Variants in RIMBP2 observed in about 807,000 individuals in gnomAD.
RIMBP2 encodes the protein RIMS-binding protein 2.
In RIMBP2, 48 loss-of-function variants were observed where a neutral mutation model predicts 118.6. The observed-to-expected ratio is 0.40, with a 90% CI of 0.32 to 0.51. RIMBP2 has a LOEUF of 0.51. Ranked by LOEUF, RIMBP2 falls within the 20% of genes least tolerant of loss-of-function variation. RIMBP2 has a pLI of 0.41. For missense variants in RIMBP2, 1,551 were observed against 1,768.3 expected, an observed-to-expected ratio of 0.88 and a Z score of 2.20; for synonymous variants, 762 against 742.9, an observed-to-expected ratio of 1.03 and a Z score of -0.42.
chr12:130,630,225 G>A (rs1270652921), intron 1 of RIMBP2, among the ~76,000 whole-genome samples: 1 of 151,780 alleles, frequency 6.6e-6, no homozygotes, highest in Non-Finnish European at 1.5e-5. Context: ...AAGGTTTCTA[G>A]AAAGAGAAAA....
chr12:130,414,324 T>C lies in RIMBP2; in HGVS notation c.3239-18A>G. 1 of 1,564,924 alleles carries C rather than the reference T, an allele frequency of 6.4e-7. No individual in the cohort carries two copies. The highest frequency in any genetic ancestry group is 8.7e-7 in the Non-Finnish European group (1 of 1,154,038). Reference sequence around the variant, plus strand: ...GTAATCGTCTGCGAGCAAGTGGGGGTGAAGAACAGAGCGGCAGTGAGCCTA... The same window carrying C: ...GTAATCGTCTGCGAGCAAGTGGGGGCGAAGAACAGAGCGGCAGTGAGCCTA... On this transcript the variant is annotated intron_variant, in intron 17 of 22. Coordinates refer to ENST00000690449, the MANE Select transcript of RIMBP2 (RefSeq NM_001393629.1).
intron 21 of RIMBP2, among the ~76,000 whole-genome samples, chr12:130,405,948 A>G (rs1213685016): frequency 6.6e-6 from 1 of 152,240 alleles, no homozygotes; most frequent in Non-Finnish European, 1.5e-5. Context: ...CATTGAAAAC[A>G]CTAGTATTAG....
intron 2 of RIMBP2, among the ~76,000 whole-genome samples, chr12:130,522,293 C>T (rs1433545725): frequency 3.3e-5 from 5 of 152,230 alleles, no homozygotes; most frequent in Admixed American, 1.3e-4. Context: ...GCCTTTCAAA[C>T]GCCACTGCCC....
At position 130,437,222 on chromosome 12, in the gene RIMBP2, C is replaced by A; in HGVS notation, c.1726G>T (p.Ala576Ser). The A allele has an allele frequency of 3.2e-6, 5 of 1,584,490 alleles. No homozygotes were observed. The highest frequency in any genetic ancestry group is 4.3e-6 in the Non-Finnish European group (5 of 1,170,304). Residue 576 changes from alanine to serine, a missense_variant, in exon 13 of 23, where the codon GCC (alanine) becomes TCC (serine). Ala to Ser is a moderately conservative substitution (Grantham distance 99). This residue lies in a region of RIMBP2 where 1,038 missense variants were observed against 1,125.1 expected (regional missense o/e 0.92). Coordinates refer to ENST00000690449, the MANE Select transcript of RIMBP2 (RefSeq NM_001393629.1). ...AGGGTCCGCACGGTCACGCCCTTGG[C>A]CTCCAGGCTCCGCAGCCGCACAAGC... ...VELVRLRSLE[A>S]KGVTVRTLSA...
chr12:130,609,246 C>T (rs983171830), intron 2 of RIMBP2, among the ~76,000 whole-genome samples: 2 of 152,138 alleles, frequency 1.3e-5, no homozygotes, highest in African/African-American at 4.8e-5. Flanking sequence ...GTCTGCCCCC[C>T]CACGTTTATA....
rs572339336 is a variant in RIMBP2 at position 130,441,447 on chromosome 12, A to AATAATTATT, written c.1504+400_1504+401insAATAATTAT. 9.8e-4 allele frequency among the ~76,000 whole-genome samples: 138 copies of AATAATTATT among 141,054 alleles called. 1 individual carries two copies. Among genetic ancestry groups the AATAATTATT allele is most frequent in the African/African-American group, 3.6e-3 (138 of 38,384 alleles). 92.5% of individuals were successfully genotyped at this position (141,054 alleles called of 152,430 possible). On this transcript the variant is annotated intron_variant, in intron 11 of 22. Coordinates refer to ENST00000690449, the MANE Select transcript of RIMBP2 (RefSeq NM_001393629.1). ...TAATAATAATAATAATAATAATAAT[A>AATAATTATT]ATTTACAAGGACGAGAAAGAAGGAA...
At chr12:130,445,083 T>C (rs2078417071) in intron 10 of RIMBP2, 77 bp downstream of exon 10, 5 of 918,954 alleles carry the variant, frequency 5.4e-6, no homozygotes, top group East Asian at 5.2e-5. Context: ...TGCCTATCTA[T>C]CAGGCCCCTG....
chr12:130,434,634 A>C lies in RIMBP2; in HGVS notation c.2253+100T>G. 1.5e-6 allele frequency: 2 copies of C among 1,325,562 alleles called. No individual in the cohort carries two copies. Among genetic ancestry groups the C allele is most frequent in the Non-Finnish European group, 2.0e-6 (2 of 986,460 alleles). The allele number at this position is 1,325,562 out of a possible 1,614,324, so 82.1% of individuals were successfully genotyped here. On this transcript the variant is annotated intron_variant, in intron 14 of 22. Coordinates refer to ENST00000690449, the MANE Select transcript of RIMBP2 (RefSeq NM_001393629.1). The surrounding 1 kb of genome is among the most constrained non-coding windows in gnomAD (Gnocchi z 5.7). ...GCGTCTCCATCTCTCTCAGGGACCC[A>C]AGGGTAGCGGGGAAAGTGCCCATGT...
chr12:130,598,919 G>A (rs114641572), intron 2 of RIMBP2, among the ~76,000 whole-genome samples: 1 of 152,104 alleles, frequency 6.6e-6, no homozygotes, highest in African/African-American at 2.4e-5. Context: ...GTCACTCAGC[G>A]TGGCCTCAAA....
chr12:130,546,462 A>G (rs61934601), intron 2 of RIMBP2, among the ~76,000 whole-genome samples: 15,530 of 151,806 alleles, frequency 0.1, 873 homozygotes, highest in South Asian at 0.17. Flanking sequence ...CATCCACCCA[A>G]TTTTTGTATT....
rs150955132 is a variant in RIMBP2 at position 130,436,962 on chromosome 12, G to A, written c.1986C>T (p.Pro662=). ...HGHMLEPPVG[P]GRRSPSPSRI... is the part of the protein sequence containing the mutation. ...GGCTGGGTGAGGGCGACCGCCTTCC[G>A]GGGCCCACGGGCGGCTCCAGCATGT... Residue 662 remains proline, a synonymous_variant, in exon 13 of 23, where the codon CCC becomes CCT. Transcript: ENST00000690449. 8.0e-5 allele frequency: 129 copies of A among 1,606,436 alleles called. No homozygotes were observed. In the African/African-American group the frequency reaches 1.2e-3, roughly 15 times the overall value.
rs552902265 is a variant in RIMBP2, at chr12:130,475,977, G to A, written c.102+2935C>T. On this transcript the variant is annotated intron_variant, in intron 5 of 22. Transcript: ENST00000690449. This position sits in a 1 kb window ranked among gnomAD's most constrained non-coding sequence, Gnocchi z 4.1. ...TCGTCTGGCTTCCGGGTCTAAACCCGGGAGTTACCACGCAGAGGTGGTGCT... is the reference window on the plus strand; with the variant it reads ...TCGTCTGGCTTCCGGGTCTAAACCCAGGAGTTACCACGCAGAGGTGGTGCT... Among the ~76,000 whole-genome samples the A allele has an allele frequency of 4.5e-4, 69 of 152,168 alleles. 1 individual carries two copies. The South Asian group carries it at 0.011, about 24-fold the overall frequency.
intron 2 of RIMBP2, among the ~76,000 whole-genome samples, chr12:130,531,296 G>A (rs967412006): frequency 3.3e-5 from 5 of 152,118 alleles, no homozygotes; most frequent in Non-Finnish European, 5.9e-5. Context: ...GAAGAAGTAG[G>A]ACATTCGCTG....
At chr12:130,492,050 G>T (rs2138455230) in intron 4 of RIMBP2, among the ~76,000 whole-genome samples, 2 of 152,264 alleles carry the variant, frequency 1.3e-5, no homozygotes, top group South Asian at 4.2e-4. Flanking sequence ...ATGCTGCCTT[G>T]CCTGAGCGAA....
chr12:130,584,679 A>G (rs193219595), intron 2 of RIMBP2, among the ~76,000 whole-genome samples: 101 of 85,718 alleles, frequency 1.2e-3, no homozygotes, highest in African/African-American at 2.7e-3. Flanking sequence ...CATCATCACT[A>G]TCACAACCAT....
chr12:130,539,263 G>A (rs1307099354), intron 2 of RIMBP2, among the ~76,000 whole-genome samples: 2 of 152,144 alleles, frequency 1.3e-5, no homozygotes, highest in East Asian at 1.9e-4. Flanking sequence ...GTCAGTGAAT[G>A]CATACATAAA....
intron 1 of RIMBP2, among the ~76,000 whole-genome samples, chr12:130,671,644 C>T (rs1465727455): frequency 6.6e-6 from 1 of 152,150 alleles, no homozygotes; most frequent in East Asian, 1.9e-4. Context: ...CAGGGCTTTC[C>T]TGGGCATGGA....
Position 130,703,472 on chromosome 12 carries a change from C to A in RIMBP2, c.-352+12750G>T, listed in dbSNP as rs769437728. ...TAAAAGCGTGGCACGGGCACTCCCTCGGCCACCCGCCTGCCCTCCCCAATC... is the reference window on the plus strand; with the variant it reads ...TAAAAGCGTGGCACGGGCACTCCCTAGGCCACCCGCCTGCCCTCCCCAATC... On this transcript the variant is annotated intron_variant, in intron 1 of 22. Coordinates refer to ENST00000690449, the MANE Select transcript of RIMBP2 (RefSeq NM_001393629.1). This position sits in a 1 kb window ranked among gnomAD's most constrained non-coding sequence, Gnocchi z 5.7. Among the ~76,000 whole-genome samples, 17 of 152,236 alleles carry A rather than the reference C, an allele frequency of 1.1e-4. No individual in the cohort carries two copies. Among genetic ancestry groups the A allele is most frequent in the Non-Finnish European group, 2.2e-4 (15 of 68,042 alleles).
chr12:130,484,044 T>C (rs542205192), intron 4 of RIMBP2, among the ~76,000 whole-genome samples: 106 of 152,232 alleles, frequency 7.0e-4, no homozygotes, highest in Non-Finnish European at 1.1e-3. Flanking sequence ...ATGGACAATG[T>C]CCCATGGGAA....
Sources: gnomAD v4.1 joint callset for allele counts (sites outside exome capture counted in the v4.1 genomes callset) on GRCh38, gnomAD v4.1.1 for gene constraint, gnomAD v4.1.1 regional missense constraint, Gnocchi (gnomAD v3.1) non-coding constraint, MANE v1.5 for transcripts, NCBI Gene and HGNC (gene_info 2026-07-23, HGNC 2026-07-21) for gene names.